Variants in RGS6 observed in about 807,000 individuals in gnomAD.
RGS6 encodes the protein regulator of G protein signaling 6.
Under a neutral mutation model 78.5 loss-of-function variants are expected in RGS6, and 30 were observed. The observed-to-expected ratio is 0.38, with a 90% CI of 0.29 to 0.52. The LOEUF (loss-of-function observed/expected upper bound fraction) is 0.52. Ranked by LOEUF, RGS6 falls within the 20% of genes least tolerant of loss-of-function variation. The pLI is 0.85. For synonymous variants in RGS6, 206 were observed against 206.0 expected (o/e 1.00, Z 0.00); for missense variants, 495 against 609.7 (o/e 0.81, Z 1.98).
intron 2 of RGS6, among the ~76,000 whole-genome samples, chr14:71,991,398 A>G (rs2094948173): frequency 6.6e-6 from 1 of 152,206 alleles, no homozygotes; most frequent in South Asian, 2.1e-4. Flanking sequence ...AACAGACAAG[A>G]AGACAAACCA....
intron 2 of RGS6, among the ~76,000 whole-genome samples, chr14:72,154,570 T>C (rs1001595597): frequency 6.6e-6 from 1 of 152,168 alleles, no homozygotes; most frequent in African/African-American, 2.4e-5. Context: ...CAGTAGTTTG[T>C]GTTCACAGTT....
the RGS6 span, among the ~76,000 whole-genome samples, chr14:71,919,459 G>GGTGT: frequency 3.5e-4 from 53 of 150,002 alleles, 1 homozygote; most frequent in African/African-American, 1.1e-3. Context: ...CAAGATATAG[G>GGTGT]GTGTGTGTGT....
At chr14:72,041,762 T>C (rs555591902) in intron 2 of RGS6, among the ~76,000 whole-genome samples, 1 of 152,306 alleles carries the variant, frequency 6.6e-6, no homozygotes, top group South Asian at 2.1e-4. Context: ...TATAAAGGCA[T>C]TTTGTACAAT....
chr14:72,473,050 A>C, intron 9 of RGS6, 97 bp downstream of exon 9: 1 of 791,806 alleles, frequency 1.3e-6, no homozygotes, highest in Non-Finnish European at 2.0e-6. Flanking sequence ...CAGGTGTCTC[A>C]TTCTTAAGAA....
At chr14:72,012,336 A>G (rs533912719) in intron 2 of RGS6, among the ~76,000 whole-genome samples, 21 of 152,214 alleles carry the variant, frequency 1.4e-4, no homozygotes, top group Non-Finnish European at 4.4e-5. Flanking sequence ...ATTTTCTTCT[A>G]AAAAAGGAAA....
At chr14:71,958,537 T>G (rs1292291083) in intron 1 of RGS6, among the ~76,000 whole-genome samples, 1 of 152,212 alleles carries the variant, frequency 6.6e-6, no homozygotes, top group Non-Finnish European at 1.5e-5. Flanking sequence ...CTAAATATGT[T>G]GCTTACGGCC....
chr14:71,983,634 C>A (rs548146662), intron 2 of RGS6, among the ~76,000 whole-genome samples: 1 of 152,178 alleles, frequency 6.6e-6, no homozygotes, highest in Non-Finnish European at 1.5e-5. Flanking sequence ...CTGGTCTTCG[C>A]CTTTGTCCTA....
At chr14:71,986,220 T>G (rs1197944531) in intron 2 of RGS6, among the ~76,000 whole-genome samples, 2 of 152,178 alleles carry the variant, frequency 1.3e-5, no homozygotes, top group African/African-American at 4.8e-5. Context: ...ATTTAAATGT[T>G]CAATAGTTTT....
At chr14:72,081,244 C>T (rs1226645805) in intron 2 of RGS6, among the ~76,000 whole-genome samples, 2 of 151,908 alleles carry the variant, frequency 1.3e-5, no homozygotes, top group East Asian at 3.8e-4. Flanking sequence ...TAAATTTACC[C>T]CTAAGTACTT....
intron 2 of RGS6, among the ~76,000 whole-genome samples, chr14:72,059,327 G>A (rs1292179943): frequency 6.6e-6 from 1 of 152,198 alleles, no homozygotes; most frequent in Non-Finnish European, 1.5e-5. Context: ...TCACTTAAAA[G>A]TTCTCCTAAT....
chr14:72,483,006 G>A (rs1340636864), intron 12 of RGS6, among the ~76,000 whole-genome samples: 1 of 152,158 alleles, frequency 6.6e-6, no homozygotes, highest in Non-Finnish European at 1.5e-5. Context: ...CTATGCAGAG[G>A]CTCTTATGCT....
At chr14:72,381,648 A>G (rs1280108111) in intron 3 of RGS6, among the ~76,000 whole-genome samples, 1 of 152,154 alleles carries the variant, frequency 6.6e-6, no homozygotes, top group African/African-American at 2.4e-5. Context: ...GGAATGTATC[A>G]CTACCCTATC....
chr14:72,626,924 A>G, the RGS6 span, among the ~76,000 whole-genome samples: 2 of 143,220 alleles, frequency 1.4e-5, no homozygotes, highest in Non-Finnish European at 3.0e-5. Flanking sequence ...GTGCATTTGA[A>G]CTTTTTTTTT....
At chr14:72,262,500 G>A (rs2058340366) in intron 2 of RGS6, among the ~76,000 whole-genome samples, 1 of 152,042 alleles carries the variant, frequency 6.6e-6, no homozygotes. Flanking sequence ...CATCTCTTAT[G>A]ACCATAGTTA....
chr14:72,336,225 A>G (rs2076000781), intron 2 of RGS6, among the ~76,000 whole-genome samples: 1 of 152,170 alleles, frequency 6.6e-6, no homozygotes. Context: ...TCCTTACTTT[A>G]TGTCATCTTA....
intron 2 of RGS6, among the ~76,000 whole-genome samples, chr14:72,259,677 GC>G: frequency 6.6e-6 from 1 of 152,030 alleles, no homozygotes; most frequent in Middle Eastern, 3.4e-3. Flanking sequence ...GGAGGCTGAG[GC>G]GGGTGGATCA....
At chr14:71,872,183 G>A in the RGS6 span, among the ~76,000 whole-genome samples, 307 of 152,236 alleles carry the variant, frequency 2.0e-3, no homozygotes, top group Non-Finnish European at 3.5e-3. Context: ...ACTCATGTTC[G>A]TCTCACTAAG....
chr14:72,282,062 T>G (rs1175584140), intron 2 of RGS6, among the ~76,000 whole-genome samples: 1 of 152,200 alleles, frequency 6.6e-6, no homozygotes, highest in Non-Finnish European at 1.5e-5. Context: ...TATTGTGCAT[T>G]GGATCATTCA....
intron 3 of RGS6, among the ~76,000 whole-genome samples, chr14:72,386,191 T>C (rs983052382): frequency 2.6e-5 from 4 of 152,148 alleles, no homozygotes; most frequent in Non-Finnish European, 5.9e-5. Context: ...TTTATCTTAC[T>C]TTCTCCCATC....
Sources: allele counts gnomAD v4.1 joint callset (sites outside exome capture counted in the v4.1 genomes callset), GRCh38; gene constraint gnomAD v4.1.1; transcripts MANE v1.5; gene names NCBI Gene and HGNC (gene_info 2026-07-23, HGNC 2026-07-21).